The following SLC24A1 variants were observed in gnomAD, a reference collection of about 807,000 sequenced individuals.
SLC24A1 encodes sodium/potassium/calcium exchanger 1.
A neutral mutation model predicts 88.1 loss-of-function variants in SLC24A1; 52 were observed. The ratio of observed to expected loss-of-function variants is 0.59; its 90% CI spans 0.47 to 0.74. The LOEUF (loss-of-function observed/expected upper bound fraction) is 0.74. SLC24A1 is among the 30% of genes least tolerant of loss of function. The pLI is 0.00. For synonymous variants in SLC24A1, 455 were observed against 498.0 expected (o/e 0.91, Z 1.15); for missense variants, 1,173 against 1,363.3 (o/e 0.86, Z 2.20).
At position 65,654,767 on chromosome 15, in the gene SLC24A1, G is replaced by A. The variant is rs1025231433; in HGVS notation, c.*688G>A. On this transcript the variant is annotated 3_prime_UTR_variant, in exon 10 of 10. Coordinates refer to ENST00000261892, the MANE Select transcript of SLC24A1 (RefSeq NM_004727.3). ...GTTGCCCAGGCTGGTGTGCAATGGC[G>A]TGATCTCGGCACACCACAACCTTCA... 7 of 1,113,780 alleles carry A rather than the reference G, an allele frequency of 6.3e-6. No homozygotes were observed. Among genetic ancestry groups the A allele is most frequent in the East Asian group, 1.2e-4 (2 of 16,922 alleles). The allele number at this position is 1,113,780 out of a possible 1,614,324, so 69.0% of individuals were successfully genotyped here. A position where few individuals can be genotyped will look rare whatever the true frequency, so the allele number is the denominator to read the frequency against.
Position 65,654,520 on chromosome 15 carries a change from C to T in SLC24A1, c.*441C>T, listed in dbSNP as rs1285123663. 2.8e-5 allele frequency: 33 copies of T among 1,184,228 alleles called. No homozygotes were observed. The highest frequency in any genetic ancestry group is 3.4e-5 in the Non-Finnish European group (32 of 943,868). 73.4% of individuals were successfully genotyped at this position (1,184,228 alleles called of 1,614,324 possible). A position where few individuals can be genotyped will look rare whatever the true frequency, so the allele number is the denominator to read the frequency against. ...GCCTTCCTGACCTCTGCCCCAAACA[C>T]ACGCTGCAATTTTGTCTCCTCCTTT... On this transcript the variant is annotated 3_prime_UTR_variant, in exon 10 of 10. Transcript: ENST00000261892.
At chr15:65,642,972 G>A in intron 4 of SLC24A1, 2 of 1,287,352 alleles carry the variant, frequency 1.6e-6, no homozygotes, top group African/African-American at 3.0e-5. Flanking sequence ...GACCCTCTGG[G>A]ATGCCGGGCA....
rs866719649 is a variant in SLC24A1, at chr15:65,654,050, C to T, written c.3271C>T (p.Arg1091Ter). 6.2e-6 allele frequency: 10 copies of T among 1,613,800 alleles called. No homozygotes were observed. Among genetic ancestry groups the T allele is most frequent in the Non-Finnish European group, 7.6e-6 (9 of 1,179,766 alleles). ...FLIISVMLED[R>*]IISCPVSV Reference sequence around the variant, plus strand: ...GATAATCAGTGTGATGTTAGAAGATCGAATCATATCCTGTCCTGTATCTGT... The same window carrying T: ...GATAATCAGTGTGATGTTAGAAGATTGAATCATATCCTGTCCTGTATCTGT... Residue 1091 changes from arginine (R) to a stop codon, truncating the protein, a stop_gained, in exon 10 of 10, where the codon CGA (arginine) becomes TGA (stop). Transcript: ENST00000261892. LOFTEE classifies it high-confidence loss of function.
chr15:65,626,602 C>T (rs1385293108), intron 2 of SLC24A1, among the ~76,000 whole-genome samples: 2 of 152,200 alleles, frequency 1.3e-5, no homozygotes, highest in Non-Finnish European at 2.9e-5. Flanking sequence ...GAGCCCTTCT[C>T]TCTGTGCCCG....
At chr15:65,638,273 C>G in intron 3 of SLC24A1, 92 bp downstream of exon 3, 1 of 933,314 alleles carries the variant, frequency 1.1e-6, no homozygotes, top group Non-Finnish European at 1.7e-6. Flanking sequence ...GTGCTGGGGA[C>G]CCTGGCTGTG....
At chr15:65,613,676 G>C (rs533756084) in intron 2 of SLC24A1, among the ~76,000 whole-genome samples, 1 of 152,130 alleles carries the variant, frequency 6.6e-6, no homozygotes, top group East Asian at 1.9e-4. Flanking sequence ...GTAGAGATGG[G>C]GGTCTCACTA....
rs1168945844 is a variant in SLC24A1 at position 65,651,338 on chromosome 15, T to TGACCAGAAAGGAATGGTAC, written c.2794-331_2794-313dup. Among the ~76,000 whole-genome samples, 34 of 152,310 alleles carry TGACCAGAAAGGAATGGTAC rather than the reference T, an allele frequency of 2.2e-4. No homozygotes were observed. The East Asian group carries it at 6.4e-3, about 28-fold the overall frequency. ...ACATTCTTATTTGCAAGGAAAGGTC[T>TGACCAGAAAGGAATGGTAC]GACCAGAAAGGAATGGTACAAGGAG... On this transcript the variant is annotated intron_variant, in intron 7 of 9. Coordinates refer to ENST00000261892, the MANE Select transcript of SLC24A1 (RefSeq NM_004727.3).
intron 3 of SLC24A1, 57 bp downstream of exon 3, chr15:65,638,238 C>T: frequency 8.2e-7 from 1 of 1,218,664 alleles, no homozygotes; most frequent in Non-Finnish European, 1.2e-6. Flanking sequence ...AGTGGATGAT[C>T]ACAGGCCCAG....
intron 2 of SLC24A1, among the ~76,000 whole-genome samples, chr15:65,636,898 A>G (rs1440893323): frequency 6.8e-6 from 1 of 147,822 alleles, no homozygotes; most frequent in Non-Finnish European, 1.5e-5. Context: ...AATAATAGTA[A>G]TCCCAAAAGC....
In SLC24A1 at chr15:65,655,888, CCTTAT is replaced by C; in HGVS notation, c.*1813_*1817del. 1 of 985,250 alleles carries C rather than the reference CCTTAT, an allele frequency of 1.0e-6. No homozygotes were observed. Among genetic ancestry groups the C allele is most frequent in the Non-Finnish European group, 1.2e-6 (1 of 829,834 alleles). The allele number at this position is 985,250 out of a possible 1,614,324, so 61.0% of individuals were successfully genotyped here. A position where few individuals can be genotyped will look rare whatever the true frequency, so the allele number is the denominator to read the frequency against. ...TACTTTACAACATGGATGGGCTCAT[CCTTAT>C]CTTTAGGTCATTTGGTCAGAATCCT... On this transcript the variant is annotated 3_prime_UTR_variant, in exon 10 of 10. Transcript: ENST00000261892.
At chr15:65,643,082 A>T in intron 4 of SLC24A1, 2 of 1,221,870 alleles carry the variant, frequency 1.6e-6, no homozygotes, top group South Asian at 2.5e-5. Flanking sequence ...GCTAAAAGTT[A>T]TAGAGTGCTT....
At chr15:65,647,051 G>A (rs1198977507) in intron 6 of SLC24A1, among the ~76,000 whole-genome samples, 2 of 152,160 alleles carry the variant, frequency 1.3e-5, no homozygotes, top group African/African-American at 2.4e-5. Context: ...CCTTCTCTGA[G>A]TACAGGCTCT....
rs2075463609 is a variant in SLC24A1 at position 65,650,634 on chromosome 15, G to A, written c.2485G>A (p.Glu829Lys). ...AATGAAAGGTAATGAAGGTGAAACT[G>A]AAAGCCAGGAACTCAGTGCTGAAAA... is the stretch of plus-strand genomic sequence containing the variant. Reference protein sequence around the residue: ...GEMKGNEGETESQELSAENHG... With the variant: ...GEMKGNEGETKSQELSAENHG... Residue 829 changes from glutamate to lysine, a missense_variant, in exon 7 of 10, where the codon GAA becomes AAA. Glu to Lys is a moderately conservative substitution (Grantham distance 56, BLOSUM62 1). Coordinates refer to ENST00000261892, the MANE Select transcript of SLC24A1 (RefSeq NM_004727.3). The surrounding 1 kb of genome is among the most constrained non-coding windows in gnomAD (Gnocchi z 4.1). 1 of 1,550,424 alleles carries A rather than the reference G, an allele frequency of 6.4e-7. No individual in the cohort carries two copies. Among genetic ancestry groups the A allele is most frequent in the South Asian group, 1.2e-5 (1 of 83,834 alleles).
rs781400097 is a variant in SLC24A1, at chr15:65,653,856, C to G, written c.3077C>G (p.Ser1026Cys). ...TTGCCTGTTCCTTGGTTGCTTTTCT[C>G]TCTTATCAATGGATTACAGCCAGTT... is the stretch of plus-strand genomic sequence containing the variant. ...VGLPVPWLLF[S>C]LINGLQPVPV... The change falls in exon 10 of 10, where the codon TCT becomes TGT. Residue 1026 changes from serine (S) to cysteine (C), a missense_variant. Ser to Cys is a moderately radical substitution (Grantham distance 112). Coordinates refer to ENST00000261892, the MANE Select transcript of SLC24A1 (RefSeq NM_004727.3). The G allele has an allele frequency of 1.9e-6, 3 of 1,613,808 alleles. No individual in the cohort carries two copies. The highest frequency in any genetic ancestry group is 2.2e-5 in the East Asian group (1 of 44,896).
downstream of SLC24A1, chr15:65,658,031 C>G (rs572793777): frequency 2.5e-4 from 38 of 152,230 alleles, no homozygotes; most frequent in Admixed American, 6.5e-4. Context: ...GGGAGCCATC[C>G]AAATGAACAG....
At chr15:65,657,651 G>GA (rs1337286843), downstream of SLC24A1, among the ~76,000 whole-genome samples, 1 of 152,180 alleles carries the variant, frequency 6.6e-6, no homozygotes, top group South Asian at 2.1e-4. Flanking sequence ...CAAAAAAAAA[G>GA]AAAAAATAAA....
rs139200508 is a variant in SLC24A1, at chr15:65,625,225, C to T, written c.1145C>T (p.Thr382Met). ...STAPSTSTTP[T>M]VRAKLTMQVH... ...GCACCCAGCACCTCAACAACCCCTA[C>T]GGTCAGGGCAAAGCTGACCATGCAG... Residue 382 changes from threonine (T) to methionine (M), a missense_variant, in exon 2 of 10, where the codon ACG becomes ATG. Thr to Met is a moderately conservative substitution (Grantham distance 81). Transcript: ENST00000261892. 88 of 1,613,978 alleles carry T rather than the reference C, an allele frequency of 5.5e-5. No individual in the cohort carries two copies. Among genetic ancestry groups the T allele is most frequent in the Non-Finnish European group, 6.9e-5 (82 of 1,179,884 alleles).
At chr15:65,653,324 G>C (rs1215003113) in intron 9 of SLC24A1, among the ~76,000 whole-genome samples, 1 of 152,136 alleles carries the variant, frequency 6.6e-6, no homozygotes, top group Non-Finnish European at 1.5e-5. Flanking sequence ...TCTGAATTTG[G>C]GTGGTAGATT....
Position 65,654,516 on chromosome 15 carries a change from AAC to A in SLC24A1, c.*442_*443del. On this transcript the variant is annotated 3_prime_UTR_variant, in exon 10 of 10. Coordinates refer to ENST00000261892, the MANE Select transcript of SLC24A1 (RefSeq NM_004727.3). ...CTCAGCCTTCCTGACCTCTGCCCCA[AAC>A]ACACGCTGCAATTTTGTCTCCTCCT... 1 of 1,184,620 alleles carries A rather than the reference AAC, an allele frequency of 8.4e-7. No homozygotes were observed. Among genetic ancestry groups the A allele is most frequent in the South Asian group, 1.6e-5 (1 of 62,078 alleles). 73.4% of individuals were successfully genotyped at this position (1,184,620 alleles called of 1,614,324 possible).
Sources: gnomAD v4.1 joint callset for allele counts (sites outside exome capture counted in the v4.1 genomes callset) on GRCh38, gnomAD v4.1.1 for gene constraint, Gnocchi (gnomAD v3.1) non-coding constraint, MANE v1.5 for transcripts, NCBI Gene and HGNC (gene_info 2026-07-23, HGNC 2026-07-21) for gene names.